Variants in PTP4A1 observed in about 807,000 individuals in gnomAD.
PTP4A1 encodes protein tyrosine phosphatase type IVA 1.
In PTP4A1, 9 loss-of-function variants were observed where a neutral mutation model predicts 20.5. The observed-to-expected ratio is 0.44, with a 90% CI of 0.26 to 0.77. The LOEUF (loss-of-function observed/expected upper bound fraction) is 0.77. PTP4A1 is among the 30% of genes least tolerant of loss of function. PTP4A1 has a pLI of 0.19. For missense variants in PTP4A1, 137 were observed against 218.8 expected, an observed-to-expected ratio of 0.63 and a Z score of 2.36; for synonymous variants, 78 against 67.4, an observed-to-expected ratio of 1.16 and a Z score of -0.77.
chr6:63,538,076 G>A (rs1442717629), intron 2 of PTP4A1, among the ~76,000 whole-genome samples: 6 of 152,194 alleles, frequency 3.9e-5, no homozygotes, highest in African/African-American at 1.4e-4. Context: ...GCAAAATAGT[G>A]GGAAAATTTT....
Position 63,572,651 on chromosome 6 carries a change from C to T in PTP4A1, c.-514C>T, listed in dbSNP as rs1258332711. 1 of 414,054 alleles carries T rather than the reference C, an allele frequency of 2.4e-6. No individual in the cohort carries two copies. The highest frequency in any genetic ancestry group is 4.2e-6 in the Non-Finnish European group (1 of 238,280). 25.6% of individuals were successfully genotyped at this position (414,054 alleles called of 1,614,324 possible). A position where few individuals can be genotyped will look rare whatever the true frequency, so the allele number is the denominator to read the frequency against. ...CCTGCCCTGCAGCCACCGCCACCGC[C>T]TGTGTCGCCGCCGCCTCGGGACCGG... On this transcript the variant is annotated 5_prime_UTR_variant, in exon 1 of 6. Transcript: ENST00000626021.
At chr6:63,552,306 T>G (rs1173040717) in intron 3 of PTP4A1, among the ~76,000 whole-genome samples, 1 of 152,248 alleles carries the variant, frequency 6.6e-6, no homozygotes, top group Non-Finnish European at 1.5e-5. Context: ...TTTTTTCATG[T>G]GTTTTTTTGG....
At chr6:63,545,864 G>GA (rs951950994) in intron 2 of PTP4A1, among the ~76,000 whole-genome samples, 3 of 150,588 alleles carry the variant, frequency 2.0e-5, no homozygotes, top group Non-Finnish European at 3.0e-5. Flanking sequence ...TAAGAAGAAA[G>GA]AAAAAAAAGA....
chr6:63,542,063 A>G (rs1051090570), intron 2 of PTP4A1, among the ~76,000 whole-genome samples: 34 of 117,312 alleles, frequency 2.9e-4, no homozygotes, highest in African/African-American at 1.1e-3. Flanking sequence ...GTGTGTGTGT[A>G]TACATACACA....
At chr6:63,547,494 G>T (rs946832029) in intron 2 of PTP4A1, among the ~76,000 whole-genome samples, 6 of 149,752 alleles carry the variant, frequency 4.0e-5, no homozygotes. Flanking sequence ...CCGGCCAGGG[G>T]GGAATTTTTT....
At chr6:63,578,847 TAC>T in intron 3 of PTP4A1, 49 bp from the exon 4 acceptor site, 1 of 1,399,540 alleles carries the variant, frequency 7.1e-7, no homozygotes, top group Non-Finnish European at 9.5e-7. Flanking sequence ...GAATTATTAC[TAC>T]AGTGTTTATA....
intron 3 of PTP4A1, among the ~76,000 whole-genome samples, chr6:63,557,471 T>G (rs1776741210): frequency 6.6e-6 from 1 of 151,900 alleles, no homozygotes; most frequent in African/African-American, 2.4e-5. Flanking sequence ...GGCTGAGGCA[T>G]GAGAACTGCT....
Position 63,579,315 on chromosome 6 carries a change from G to A in PTP4A1, c.388G>A (p.Val130Ile), listed in dbSNP as rs754971937. Residue 130 changes from valine (V) to isoleucine (I), a missense_variant, in exon 5 of 6, where the codon GTA (valine) becomes ATA (isoleucine). Transcript: ENST00000626021. Reference protein sequence around the residue: ...IEGGMKYEDAVQFIRQKRRGA... With the variant: ...IEGGMKYEDAIQFIRQKRRGA... Reference sequence around the variant, plus strand: ...AGGTGGAATGAAATACGAAGATGCAGTACAATTCATAAGACAGTAAGTAAT... The same window carrying A: ...AGGTGGAATGAAATACGAAGATGCAATACAATTCATAAGACAGTAAGTAAT... 6.2e-7 allele frequency: 1 copy of A among 1,605,718 alleles called. No homozygotes were observed. The highest frequency in any genetic ancestry group is 1.1e-5 in the South Asian group (1 of 90,358).
chr6:63,557,296 TG>T (rs1462871729), intron 3 of PTP4A1, among the ~76,000 whole-genome samples: 1 of 152,230 alleles, frequency 6.6e-6, no homozygotes, highest in Non-Finnish European at 1.5e-5. Context: ...GTGGGCATGG[TG>T]GCTCATGCCT....
chr6:63,544,789 G>A (rs1301188584), intron 2 of PTP4A1, among the ~76,000 whole-genome samples: 3 of 151,986 alleles, frequency 2.0e-5, no homozygotes, highest in African/African-American at 4.8e-5. Flanking sequence ...TCCTCTCCAC[G>A]TATCCTATCA....
At position 63,563,363 on chromosome 6, in the gene PTP4A1, T is replaced by C. The variant is rs972773524; in HGVS notation, c.-446+12870T>C. ...GCAGTCCCTCAGGTCTTCCAACTCC[T>C]TGAGTACCAACCAAACTCCCACCTG... On this transcript the variant is annotated intron_variant, in intron 3 of 3. Coordinates refer to the PTP4A1 transcript ENST00000639568. Among the ~76,000 whole-genome samples, 3 of 152,176 alleles carry C rather than the reference T, an allele frequency of 2.0e-5. No homozygotes were observed. In the East Asian group the frequency reaches 5.8e-4, roughly 29 times the overall value.
intron 2 of PTP4A1, among the ~76,000 whole-genome samples, chr6:63,547,258 C>T: frequency 6.9e-6 from 1 of 145,450 alleles, no homozygotes; most frequent in Non-Finnish European, 1.5e-5. Context: ...GGTATGATCT[C>T]AGCACACTGC....
chr6:63,549,498 C>A, intron 2 of PTP4A1: 1 of 767,210 alleles, frequency 1.3e-6, no homozygotes, highest in East Asian at 2.6e-5. Flanking sequence ...GGCCTTCTTT[C>A]CTTTCGGCAG....
At chr6:63,534,349 C>A (rs910254601) in intron 2 of PTP4A1, among the ~76,000 whole-genome samples, 1 of 152,004 alleles carries the variant, frequency 6.6e-6, no homozygotes, top group African/African-American at 2.4e-5. Context: ...AAGTTAGGAG[C>A]AATGGTTCTC....
chr6:63,566,860 C>T (rs1416749243), intron 3 of PTP4A1, among the ~76,000 whole-genome samples: 1 of 152,224 alleles, frequency 6.6e-6, no homozygotes, highest in Non-Finnish European at 1.5e-5. Context: ...AACTCACCCA[C>T]TGCTTTATCA....
upstream of PTP4A1, among the ~76,000 whole-genome samples, chr6:63,568,345 C>G (rs974373714): frequency 6.6e-6 from 1 of 152,152 alleles, no homozygotes; most frequent in African/African-American, 2.4e-5. Flanking sequence ...ATTAATTGGC[C>G]TAATTTCAGT....
chr6:63,548,869 C>A, intron 2 of PTP4A1: 3 of 770,118 alleles, frequency 3.9e-6, no homozygotes, highest in South Asian at 2.7e-5. Flanking sequence ...TTAGCCAAAG[C>A]GCCTTTGTCT....
chr6:63,520,029 A>C (rs80087505), upstream of PTP4A1, among the ~76,000 whole-genome samples: 179 of 152,350 alleles, frequency 1.2e-3, 3 homozygotes, highest in African/African-American at 4.2e-3. Flanking sequence ...TTTTTCGAGG[A>C]GCCTCAATGC....
chr6:63,580,288 G>A lies in PTP4A1; in HGVS notation c.*114G>A. The A allele has an allele frequency of 3.5e-6, 3 of 858,992 alleles. No individual in the cohort carries two copies. Among genetic ancestry groups the A allele is most frequent in the South Asian group, 3.3e-5 (2 of 60,434 alleles). 53.2% of individuals were successfully genotyped at this position (858,992 alleles called of 1,614,324 possible). A position where few individuals can be genotyped will look rare whatever the true frequency, so the allele number is the denominator to read the frequency against. ...CTAATGAAGCTTCCATAGGAGTATT[G>A]AAAGGCAGTTTTACCAGGCCTCAAG... On this transcript the variant is annotated 3_prime_UTR_variant, in exon 6 of 6. Coordinates refer to ENST00000626021, the MANE Select transcript of PTP4A1 (RefSeq NM_003463.5).
Sources: gnomAD v4.1 joint callset for allele counts (sites outside exome capture counted in the v4.1 genomes callset) on GRCh38, gnomAD v4.1.1 for gene constraint, MANE v1.5 for transcripts, NCBI Gene and HGNC (gene_info 2026-07-23, HGNC 2026-07-21) for gene names.